Variants in RANBP3L observed in about 807,000 individuals in gnomAD.
RANBP3L encodes the protein ran-binding protein 3-like.
Under a neutral mutation model 67.2 loss-of-function variants are expected in RANBP3L, and 56 were observed. The observed-to-expected ratio is 0.83, with a 90% CI of 0.67 to 1.04. The LOEUF is 1.04. Ranked by LOEUF, RANBP3L falls within the 50% of genes least tolerant of loss-of-function variation. RANBP3L has a pLI of 0.00. For missense variants in RANBP3L, 496 were observed against 535.5 expected, an observed-to-expected ratio of 0.93 and a Z score of 0.73; for synonymous variants, 164 against 181.4, an observed-to-expected ratio of 0.90 and a Z score of 0.77.
intron 7 of RANBP3L, among the ~76,000 whole-genome samples, chr5:36,261,392 C>T (rs915477530): frequency 3.9e-5 from 6 of 152,066 alleles, no homozygotes; most frequent in Admixed American, 1.3e-4. Flanking sequence ...GCTCAGGGTT[C>T]GGCATTGCAT....
intron 1 of RANBP3L, among the ~76,000 whole-genome samples, chr5:36,287,449 AAATG>A (rs1244767290): frequency 6.6e-6 from 1 of 152,226 alleles, no homozygotes; most frequent in African/African-American, 2.4e-5. Context: ...TAAATAAAAT[AAATG>A]AAGTGCTATG....
At chr5:36,263,554 C>G (rs1172580008) in intron 6 of RANBP3L, among the ~76,000 whole-genome samples, 1 of 151,972 alleles carries the variant, frequency 6.6e-6, no homozygotes, top group Non-Finnish European at 1.5e-5. Context: ...AGTTAAACAC[C>G]ATGCATCACT....
At chr5:36,256,276 G>C (rs1022221429) in intron 10 of RANBP3L, among the ~76,000 whole-genome samples, 16 of 152,028 alleles carry the variant, frequency 1.1e-4, no homozygotes, top group Admixed American at 5.2e-4. Flanking sequence ...GTTATGCTTT[G>C]AGACACACTT....
At chr5:36,294,368 A>AT (rs1453695086) in intron 1 of RANBP3L, among the ~76,000 whole-genome samples, 4 of 151,670 alleles carry the variant, frequency 2.6e-5, no homozygotes, top group Admixed American at 2.6e-4. Context: ...GGATTCATTA[A>AT]TTTTTTGAAG....
intron 6 of RANBP3L, among the ~76,000 whole-genome samples, chr5:36,263,575 C>T (rs1389651905): frequency 6.6e-6 from 1 of 152,032 alleles, no homozygotes; most frequent in Non-Finnish European, 1.5e-5. Context: ...TCTTTTTTCT[C>T]TTTTCTTTTT....
intron 4 of RANBP3L, 57 bp from the exon 5 acceptor site, chr5:36,265,577 T>C (rs1042046769): frequency 9.8e-7 from 1 of 1,022,044 alleles, no homozygotes; most frequent in African/African-American, 1.6e-5. Flanking sequence ...GATTCTACAC[T>C]ATTTGGGGCT....
chr5:36,283,170 G>A (rs375178064), intron 1 of RANBP3L, among the ~76,000 whole-genome samples: 1 of 152,004 alleles, frequency 6.6e-6, no homozygotes, highest in Non-Finnish European at 1.5e-5. Flanking sequence ...TAATTCTCGT[G>A]CCTCAGCCTC....
In RANBP3L at chr5:36,269,985, A is replaced by G; in HGVS notation, c.156T>C (p.Pro52=). The G allele has an allele frequency of 2.5e-6, 4 of 1,613,494 alleles. No homozygotes were observed. Among genetic ancestry groups the G allele is most frequent in the Non-Finnish European group, 3.4e-6 (4 of 1,179,342 alleles). ...CTGCTTCATACAGGGTGTCTTCTGC[A>G]GGTCTCTGAAAGGAAACAAAACCAC... is the stretch of plus-strand genomic sequence containing the variant. ...FEKGEQTFKR[P]AEDTLYEAAE... Residue 52 remains proline, a synonymous_variant, in exon 3 of 14, where the codon CCT becomes CCC. Transcript: ENST00000296604.
intron 1 of RANBP3L, among the ~76,000 whole-genome samples, chr5:36,274,011 C>T (rs1039794272): frequency 2.6e-5 from 4 of 152,162 alleles, no homozygotes; most frequent in Non-Finnish European, 5.9e-5. Context: ...CAGCTGTAAC[C>T]AATCCAGCTG....
chr5:36,293,979 C>T (rs1316775457), intron 1 of RANBP3L, among the ~76,000 whole-genome samples: 5 of 151,972 alleles, frequency 3.3e-5, no homozygotes, highest in Admixed American at 3.3e-4. Context: ...AGGAATGGTA[C>T]CAGTTCCTCC....
At chr5:36,272,737 C>T (rs1160503690) in intron 1 of RANBP3L, among the ~76,000 whole-genome samples, 4 of 152,078 alleles carry the variant, frequency 2.6e-5, no homozygotes, top group Non-Finnish European at 4.4e-5. Flanking sequence ...CTCCACCTCC[C>T]GGATTGAAGC....
At chr5:36,285,440 A>ATG (rs571171371) in intron 1 of RANBP3L, among the ~76,000 whole-genome samples, 141 of 152,302 alleles carry the variant, frequency 9.3e-4, no homozygotes, top group African/African-American at 3.2e-3. Context: ...TGTGTGGAGC[A>ATG]CACTAGTGTA....
chr5:36,277,440 A>ATATGTG (rs1359327549), intron 1 of RANBP3L, among the ~76,000 whole-genome samples: 1 of 114,988 alleles, frequency 8.7e-6, no homozygotes, highest in African/African-American at 3.5e-5. Flanking sequence ...ATATATATAT[A>ATATGTG]TGTGTGTGTG....
At chr5:36,270,722 C>G (rs1222482283) in intron 2 of RANBP3L, among the ~76,000 whole-genome samples, 3 of 152,064 alleles carry the variant, frequency 2.0e-5, no homozygotes, top group Non-Finnish European at 4.4e-5. Flanking sequence ...GGCCTCGAAC[C>G]CCAGGCTTCA....
chr5:36,254,704 C>T (rs1207888639), intron 11 of RANBP3L, among the ~76,000 whole-genome samples: 1 of 151,978 alleles, frequency 6.6e-6, no homozygotes, highest in Non-Finnish European at 1.5e-5. Flanking sequence ...CAACAAATAA[C>T]CTTATTCTTG....
intron 4 of RANBP3L, among the ~76,000 whole-genome samples, chr5:36,266,016 G>A (rs1394455485): frequency 2.0e-5 from 3 of 150,072 alleles, no homozygotes; most frequent in Non-Finnish European, 4.4e-5. Flanking sequence ...TGCCGGATGC[G>A]TCCTGCTACA....
chr5:36,269,443 C>T lies in RANBP3L; in HGVS notation c.215G>A (p.Arg72His), dbSNP rs199694826. 70 of 1,575,916 alleles carry T rather than the reference C, an allele frequency of 4.4e-5. No homozygotes were observed. Among genetic ancestry groups the T allele is most frequent in the South Asian group, 3.3e-4 (30 of 90,118 alleles). ...AAAAGTAAAAGATGAAGACCGTACA[C>T]GCTTTGTTGGAAAACCATTACATTC... is the stretch of plus-strand genomic sequence containing the variant. ...EPECNGFPTK[R>H]VRSSSFTFHI... The change falls in exon 4 of 14, where the codon CGT becomes CAT. Residue 72 changes from arginine to histidine, a missense_variant. Coordinates refer to ENST00000296604, the MANE Select transcript of RANBP3L (RefSeq NM_145000.5).
At position 36,256,928 on chromosome 5, in the gene RANBP3L, A is replaced by G. The variant is rs756075484; in HGVS notation, c.903+13T>C. On this transcript the variant is annotated intron_variant, in intron 10 of 13. Transcript: ENST00000296604. ...TAAATGCTACCAGAAAGAGTAAAACATGATATACAGACCTTTAACACATTA... is the reference window on the plus strand; with the variant it reads ...TAAATGCTACCAGAAAGAGTAAAACGTGATATACAGACCTTTAACACATTA... The G allele has an allele frequency of 2.4e-5, 39 of 1,608,330 alleles. 1 individual carries two copies. In the South Asian group the frequency reaches 4.2e-4, roughly 17 times the overall value.
rs201149088 is a variant in RANBP3L at position 36,289,818 on chromosome 5, CA to C, written c.91+11507del. On this transcript the variant is annotated intron_variant, in intron 1 of 13. Transcript: ENST00000296604. ...TTCTACAAATACCATCAATCATCTG[CA>C]AAAAAAAAAAAGATAGTTTTACTTC... Among the ~76,000 whole-genome samples, 712 of 140,704 alleles carry C rather than the reference CA, an allele frequency of 5.1e-3. 3 individuals are homozygous for C. Among genetic ancestry groups the C allele is most frequent in the African/African-American group, 0.013 (504 of 38,536 alleles). The allele number at this position is 140,704 out of a possible 152,430, so 92.3% of individuals were successfully genotyped here.
Sources: gnomAD v4.1 joint callset for allele counts (sites outside exome capture counted in the v4.1 genomes callset) on GRCh38, gnomAD v4.1.1 for gene constraint, MANE v1.5 for transcripts, NCBI Gene and HGNC (gene_info 2026-07-23, HGNC 2026-07-21) for gene names.